FAN1: variants seen among roughly 807,000 people sequenced by gnomAD.
The protein encoded by FAN1 is FANCD2 and FANCI associated nuclease 1.
FAN1 carries 91 observed loss-of-function variants against 104.9 expected under a neutral mutation model. The ratio of observed to expected loss-of-function variants is 0.87; its 90% CI spans 0.73 to 1.03. The LOEUF is 1.03. Among genes scored for constraint, FAN1 ranks in the 50% least tolerant of loss-of-function variants. The probability of loss-of-function intolerance (pLI) is 0.00; values close to 1 mark genes in which losing one functional copy is unlikely to be tolerated. For missense variants in FAN1, 1,263 were observed against 1,239.9 expected, an observed-to-expected ratio of 1.02 and a Z score of -0.28; for synonymous variants, 478 against 457.6, an observed-to-expected ratio of 1.04 and a Z score of -0.57.
Position 30,905,549 on chromosome 15 carries a change from C to T in FAN1, c.886C>T (p.Arg296Cys), listed in dbSNP as rs776844641. The T allele has an allele frequency of 3.8e-5, 61 of 1,613,704 alleles. No individual in the cohort carries two copies. Among genetic ancestry groups the T allele is most frequent in the Non-Finnish European group, 5.1e-5 (60 of 1,179,768 alleles). The change falls in exon 2 of 15, where the codon CGT (arginine) becomes TGT (cysteine). Residue 296 changes from arginine to cysteine, a missense_variant. Physicochemically the swap from Arg to Cys is radical, Grantham distance 180 (BLOSUM62 -3). Around this residue, in one of 2 missense-constraint regions of FAN1, gnomAD observed 682 missense variants for 571.1 expected, o/e 1.19. Coordinates refer to ENST00000362065, the MANE Select transcript of FAN1 (RefSeq NM_014967.5). ...GTGTATCAAAGAAGTGGTTGAAAAA[C>T]GTGAGGCATGTCATTGTGAAGAAGT... Reference protein sequence around the residue: ...QECIKEVVEKREACHCEEVKM... With the variant: ...QECIKEVVEKCEACHCEEVKM...
Position 30,920,637 on chromosome 15 carries a change from G to C in FAN1, c.2036G>C (p.Arg679Thr). The change falls in exon 7 of 15, where the codon AGA (arginine) becomes ACA (threonine). Residue 679 changes from arginine to threonine, a missense_variant. Arg to Thr is a moderately conservative substitution (Grantham distance 71, BLOSUM62 -1). Coordinates refer to ENST00000362065, the MANE Select transcript of FAN1 (RefSeq NM_014967.5). The part of the protein sequence containing the change: ...ILSRFVEILQ[R>T]LHMYEEAVRE... The stretch of plus-strand genomic sequence containing the variant: ...TCTCGGTTTGTGGAAATACTGCAGA[G>C]ACTTCACATGTATGAGGTTAGAGCA... 6.2e-7 allele frequency: 1 copy of C among 1,605,816 alleles called. No individual in the cohort carries two copies. Among genetic ancestry groups the C allele is most frequent in the South Asian group, 1.1e-5 (1 of 90,210 alleles).
intron 9 of FAN1, 104 bp from the exon 10 acceptor site, chr15:30,925,685 C>A: frequency 7.7e-7 from 1 of 1,304,138 alleles, no homozygotes; most frequent in Non-Finnish European, 1.1e-6. Flanking sequence ...TACTAAGTGA[C>A]TGACTTTGTG....
In FAN1 at chr15:30,920,525, G is replaced by A; in HGVS notation, c.1944-20G>A. Reference sequence around the variant, plus strand: ...AAATTAACCAAATTATTAAACTACTGGTATATGTCTTCATTTTAGATGCCA... The same window carrying A: ...AAATTAACCAAATTATTAAACTACTAGTATATGTCTTCATTTTAGATGCCA... On this transcript the variant is annotated intron_variant, in intron 6 of 14. Coordinates refer to ENST00000362065, the MANE Select transcript of FAN1 (RefSeq NM_014967.5). 6.9e-7 allele frequency: 1 copy of A among 1,457,716 alleles called. No homozygotes were observed. The highest frequency in any genetic ancestry group is 9.6e-7 in the Non-Finnish European group (1 of 1,041,788). 90.3% of individuals were successfully genotyped at this position (1,457,716 alleles called of 1,614,324 possible).
intron 2 of FAN1, among the ~76,000 whole-genome samples, chr15:30,906,139 A>T (rs2061973890): frequency 6.6e-6 from 1 of 152,176 alleles, no homozygotes. Flanking sequence ...GTTACATTGG[A>T]AGCAGCTGTT....
At chr15:30,911,745 T>C (rs2062105457) in intron 4 of FAN1, 2 of 961,800 alleles carry the variant, frequency 2.1e-6, no homozygotes, top group Non-Finnish European at 2.5e-6. Flanking sequence ...TATGTAACAT[T>C]TTATAAGCAA....
chr15:30,918,902 G>A (rs1303559874), intron 6 of FAN1, among the ~76,000 whole-genome samples: 1 of 152,024 alleles, frequency 6.6e-6, no homozygotes, highest in Non-Finnish European at 1.5e-5. Context: ...TTGGGGTACC[G>A]ACCCCTCAGA....
At chr15:30,940,524 T>G in intron 14 of FAN1, 1 of 985,480 alleles carries the variant, frequency 1.0e-6, no homozygotes, top group Non-Finnish European at 1.2e-6. Flanking sequence ...AGCAATAGTT[T>G]ACCACACTGG....
chr15:30,941,195 TGGAGACAAAAATGTA>T (rs2063036395), intron 14 of FAN1: 1 of 1,354,188 alleles, frequency 7.4e-7, no homozygotes, highest in African/African-American at 1.5e-5. Context: ...GAAAAATGGA[TGGAGACAAAAATGTA>T]GCAGACAACA....
rs1468278877 is a variant in FAN1, at chr15:30,905,274, A to G, written c.611A>G (p.Gln204Arg). ...DNSSEIEDEDQILENSSQKEN... is the reference protein window; with the variant it reads ...DNSSEIEDEDRILENSSQKEN... ...TCTTCAGAAATTGAGGACGAGGATC[A>G]AATTTTGGAGAACAGTTCTCAAAAA... is the stretch of plus-strand genomic sequence containing the variant. Residue 204 changes from glutamine to arginine, a missense_variant, in exon 2 of 15, where the codon CAA becomes CGA. Coordinates refer to ENST00000362065, the MANE Select transcript of FAN1 (RefSeq NM_014967.5). 1.5e-5 allele frequency: 24 copies of G among 1,613,982 alleles called. No individual in the cohort carries two copies. The highest frequency in any genetic ancestry group is 4.0e-5 in the African/African-American group (3 of 74,948).
Position 30,929,706 on chromosome 15 carries a change from A to G in FAN1, c.2787+309A>G, listed in dbSNP as rs1340440145. Among the ~76,000 whole-genome samples the G allele has an allele frequency of 1.9e-5, 2 of 102,754 alleles. 1 individual carries two copies. The highest frequency in any genetic ancestry group is 3.5e-5 in the Non-Finnish European group (2 of 57,142). 67.4% of individuals were successfully genotyped at this position (102,754 alleles called of 152,430 possible). A position where few individuals can be genotyped will look rare whatever the true frequency, so the allele number is the denominator to read the frequency against. Reference sequence around the variant, plus strand: ...ATAATATATATAAAATATATATTATATCATATATAATATATATAAAATATA... The same window carrying G: ...ATAATATATATAAAATATATATTATGTCATATATAATATATATAAAATATA... On this transcript the variant is annotated intron_variant, in intron 12 of 14. Coordinates refer to ENST00000362065, the MANE Select transcript of FAN1 (RefSeq NM_014967.5).
intron 11 of FAN1, 58 bp downstream of exon 11, chr15:30,928,714 C>G: frequency 6.2e-7 from 1 of 1,609,152 alleles, no homozygotes; most frequent in Non-Finnish European, 8.5e-7. Context: ...GTGGCTCACG[C>G]CCACCTGGGC....
intron 14 of FAN1, 57 bp downstream of exon 14, chr15:30,937,316 AC>A: frequency 6.6e-7 from 1 of 1,510,828 alleles, no homozygotes. Flanking sequence ...AGAGTATAAA[AC>A]ATGTTTTATT....
intron 3 of FAN1, among the ~76,000 whole-genome samples, chr15:30,909,164 G>T (rs2062044549): frequency 6.6e-6 from 1 of 152,212 alleles, no homozygotes; most frequent in South Asian, 2.1e-4. Context: ...TATTAGGAAA[G>T]GGAAATGTGA....
intron 14 of FAN1, among the ~76,000 whole-genome samples, chr15:30,938,120 C>T (rs1307968011): frequency 6.6e-6 from 1 of 151,464 alleles, no homozygotes; most frequent in Non-Finnish European, 1.5e-5. Context: ...GGAGGTGGAG[C>T]TTGCAGTGAG....
At chr15:30,931,169 A>G (rs901652597) in intron 13 of FAN1, among the ~76,000 whole-genome samples, 75 of 152,194 alleles carry the variant, frequency 4.9e-4, no homozygotes, top group Non-Finnish European at 4.4e-4. Context: ...CATCTCATGT[A>G]CCCCATAAAT....
At chr15:30,908,643 C>T (rs1023572459) in intron 3 of FAN1, among the ~76,000 whole-genome samples, 2 of 151,922 alleles carry the variant, frequency 1.3e-5, no homozygotes, top group African/African-American at 4.8e-5. Context: ...GTTGGGGGTT[C>T]GAGACCAGCC....
chr15:30,938,803 G>A, intron 14 of FAN1: 1 of 606,508 alleles, frequency 1.6e-6, no homozygotes, highest in Non-Finnish European at 2.1e-6. Flanking sequence ...GTTAAAAAAA[G>A]TTACTGATCA....
In FAN1 at chr15:30,905,484, C is replaced by G; in HGVS notation, c.821C>G (p.Thr274Arg). The G allele has an allele frequency of 6.2e-7, 1 of 1,613,986 alleles. No individual in the cohort carries two copies. The highest frequency in any genetic ancestry group is 8.5e-7 in the Non-Finnish European group (1 of 1,179,880). Residue 274 changes from threonine (T) to arginine (R), a missense_variant, in exon 2 of 15, where the codon ACA becomes AGA. Thr to Arg is a moderately conservative substitution (Grantham distance 71). This residue lies in a region of FAN1 where 682 missense variants were observed against 571.1 expected (regional missense o/e 1.19). Coordinates refer to ENST00000362065, the MANE Select transcript of FAN1 (RefSeq NM_014967.5). ...LFSPDFTLRNTLKSTSEDSLV... is the reference protein window; with the variant it reads ...LFSPDFTLRNRLKSTSEDSLV... ...TCACCAGATTTCACTCTTAGGAATA[C>G]ATTAAAGTCTACTTCAGAAGACAGT...
intron 4 of FAN1, among the ~76,000 whole-genome samples, chr15:30,912,284 C>T (rs370696729): frequency 3.2e-4 from 49 of 152,314 alleles, no homozygotes; most frequent in African/African-American, 1.1e-3. Flanking sequence ...GAGTCCCTGC[C>T]AGCCCCACGC....
Sources: gnomAD v4.1 joint callset for allele counts (sites outside exome capture counted in the v4.1 genomes callset) on GRCh38, gnomAD v4.1.1 for gene constraint, gnomAD v4.1.1 regional missense constraint, MANE v1.5 for transcripts, NCBI Gene and HGNC (gene_info 2026-07-23, HGNC 2026-07-21) for gene names.